VWA3A: variants seen among roughly 807,000 people sequenced by gnomAD.
VWA3A encodes the protein von Willebrand factor A domain-containing protein 3A.
Under a neutral mutation model 160.4 loss-of-function variants are expected in VWA3A, and 134 were observed. That is an observed-to-expected ratio of 0.84 (90% CI 0.73 to 0.96). The LOEUF is 0.96. VWA3A is among the 40% of genes least tolerant of loss of function. VWA3A has a pLI of 0.00. For synonymous variants in VWA3A, 476 were observed against 543.4 expected (o/e 0.88, Z 1.72); for missense variants, 1,310 against 1,447.9 (o/e 0.90, Z 1.55).
intron 2 of VWA3A, 85 bp from the exon 3 acceptor site, chr16:22,097,487 G>A (rs943056686): frequency 4.6e-6 from 7 of 1,506,668 alleles, no homozygotes; most frequent in Admixed American, 4.2e-5. Flanking sequence ...TCCTTGTAGG[G>A]ACTAGGGCAA....
chr16:22,122,281 G>GTGGATGGA (rs753561947), intron 14 of VWA3A, among the ~76,000 whole-genome samples: 16 of 146,762 alleles, frequency 1.1e-4, no homozygotes, highest in African/African-American at 3.8e-4. Context: ...GGATGGATGG[G>GTGGATGGA]TGGATGGATG....
rs142973764 is a variant in VWA3A, at chr16:22,138,670, A to T, written c.2292+158A>T. ...CCTCTTGCCCAGGCCTCCAGGGGGA[A>T]AATCTCCCGCGGGGGGCCGGCTCCT... On this transcript the variant is annotated intron_variant, in intron 22 of 33. Coordinates refer to ENST00000389398, the MANE Select transcript of VWA3A (RefSeq NM_173615.5). The T allele has an allele frequency of 1.1e-3, 1,025 of 973,708 alleles. 7 individuals are homozygous for T. In the African/African-American group the frequency reaches 0.015, roughly 15 times the overall value. 60.3% of individuals were successfully genotyped at this position (973,708 alleles called of 1,614,324 possible).
In VWA3A at chr16:22,110,894, A is replaced by G; in HGVS notation, c.589A>G (p.Ile197Val). 5.6e-6 allele frequency: 9 copies of G among 1,605,916 alleles called. No individual in the cohort carries two copies. The highest frequency in any genetic ancestry group is 6.8e-6 in the Non-Finnish European group (8 of 1,176,422). The change falls in exon 8 of 34, where the codon ATC (isoleucine) becomes GTC (valine). Residue 197 changes from isoleucine (I) to valine (V), a missense_variant. Transcript: ENST00000389398. ...ATGTCCTTTTGTCCAACAGAGCCTC[A>G]TCGATGAGCAGCTGAGCCACAAGGA... Reference protein sequence around the residue: ...EEFQKDLMSLIDEQLSHKEKL... With the variant: ...EEFQKDLMSLVDEQLSHKEKL...
chr16:22,155,563 C>T lies in VWA3A; in HGVS notation c.3406-4C>T. On this transcript the variant is annotated splice_region_variant and splice_polypyrimidine_tract_variant and intron_variant, in intron 31 of 33. Coordinates refer to ENST00000389398, the MANE Select transcript of VWA3A (RefSeq NM_173615.5). ...AAACTTCACACTCATTTCCTCTTTT[C>T]AAGGATCCCACATTGCCACCATTTG... is the stretch of plus-strand genomic sequence containing the variant. The T allele has an allele frequency of 6.2e-7, 1 of 1,613,716 alleles. No individual in the cohort carries two copies. The highest frequency in any genetic ancestry group is 1.1e-5 in the South Asian group (1 of 91,074).
At chr16:22,146,746 G>A (rs2046258354) in intron 27 of VWA3A, among the ~76,000 whole-genome samples, 1 of 151,598 alleles carries the variant, frequency 6.6e-6, no homozygotes, top group Non-Finnish European at 1.5e-5. Flanking sequence ...TCCATCCTGG[G>A]CAACAAGAGT....
chr16:22,103,653 T>G, intron 6 of VWA3A, 124 bp downstream of exon 6: 1 of 1,126,058 alleles, frequency 8.9e-7, no homozygotes, highest in Non-Finnish European at 1.3e-6. Flanking sequence ...AGGCATTTAC[T>G]AACCTAAGTA....
chr16:22,104,355 C>T (rs1334850381), intron 6 of VWA3A, among the ~76,000 whole-genome samples: 3 of 152,000 alleles, frequency 2.0e-5, no homozygotes, highest in East Asian at 1.9e-4. Flanking sequence ...TGGGCGTGGT[C>T]GTGCAAGCCT....
chr16:22,092,621 C>T lies in VWA3A; in HGVS notation c.-17C>T, dbSNP rs780829637. 1.3e-5 allele frequency: 20 copies of T among 1,550,420 alleles called. No homozygotes were observed. The South Asian group carries it at 2.4e-4, about 18-fold the overall frequency. On this transcript the variant is annotated 5_prime_UTR_variant, in exon 1 of 34. Transcript: ENST00000389398. The stretch of plus-strand genomic sequence containing the variant: ...CCTGGAGTGCCAGGAGCCCTTCTCC[C>T]AAAGATGGAGAAATAAATGAAGAAA...
chr16:22,123,643 G>A lies in VWA3A; in HGVS notation c.1468G>A (p.Glu490Lys), dbSNP rs201705044. 654 of 1,613,990 alleles carry A rather than the reference G, an allele frequency of 4.1e-4. No individual in the cohort carries two copies. The highest frequency in any genetic ancestry group is 5.3e-4 in the Non-Finnish European group (623 of 1,179,894). ...GCTCAGCAGAGCTATGCGGATGTAT[G>A]AGAGGCGGATTGAGTGGCTCTCCCT... ...QQLSRAMRMY[E>K]RRIEWLSLAS... The change falls in exon 16 of 34, where the codon GAG becomes AAG. Residue 490 changes from glutamate to lysine, a missense_variant. By Grantham distance (56) the Glu-to-Lys change is moderately conservative. Transcript: ENST00000389398.
At chr16:22,141,813 C>A in intron 24 of VWA3A, 121 bp downstream of exon 24, 4 of 754,270 alleles carry the variant, frequency 5.3e-6, no homozygotes, top group Non-Finnish European at 8.5e-6. Context: ...ACTGGTGCCT[C>A]TGGAGCAAGC....
intron 29 of VWA3A, among the ~76,000 whole-genome samples, chr16:22,150,369 C>A (rs556348472): frequency 1.1e-4 from 17 of 152,144 alleles, no homozygotes; most frequent in African/African-American, 3.9e-4. Context: ...CCATTGCACT[C>A]CAGCCTGGGC....
At chr16:22,124,038 G>T (rs1567208499) in intron 16 of VWA3A, among the ~76,000 whole-genome samples, 1 of 151,900 alleles carries the variant, frequency 6.6e-6, no homozygotes, top group Non-Finnish European at 1.5e-5. Flanking sequence ...AGCTGGGCAT[G>T]GTGGTGTACA....
At chr16:22,123,590 C>G (rs1414399300) in intron 15 of VWA3A, 23 bp from the exon 16 acceptor site, 1 of 1,613,694 alleles carries the variant, frequency 6.2e-7, no homozygotes, top group Non-Finnish European at 8.5e-7. Context: ...AGCAGCCGCT[C>G]ACTGTGGCCC....
intron 12 of VWA3A, among the ~76,000 whole-genome samples, chr16:22,119,709 A>C (rs1240656119): frequency 6.6e-6 from 1 of 152,136 alleles, no homozygotes; most frequent in Non-Finnish European, 1.5e-5. Flanking sequence ...AATAATAACA[A>C]TTAGTATTAG....
At chr16:22,130,188 G>A (rs1354660961) in intron 17 of VWA3A, among the ~76,000 whole-genome samples, 5 of 152,142 alleles carry the variant, frequency 3.3e-5, no homozygotes, top group South Asian at 2.1e-4. Context: ...CTCTACCAGG[G>A]AATGCCCCCA....
chr16:22,100,611 G>A, intron 5 of VWA3A, 118 bp downstream of exon 5: 2 of 931,568 alleles, frequency 2.1e-6, no homozygotes, highest in Non-Finnish European at 1.7e-6. Flanking sequence ...GAGGCAGGTG[G>A]ATCACTTGAG....
At position 22,134,366 on chromosome 16, in the gene VWA3A, A is replaced by G; in HGVS notation, c.2069-2A>G. 4 of 1,595,088 alleles carry G rather than the reference A, an allele frequency of 2.5e-6. No individual in the cohort carries two copies. Among genetic ancestry groups the G allele is most frequent in the Non-Finnish European group, 3.4e-6 (4 of 1,170,294 alleles). Reference sequence around the variant, plus strand: ...CTTGCTCACGATGTGCTTTGTTTCCAGGCATTTATGAGAGCGATGACATCA... The same window carrying G: ...CTTGCTCACGATGTGCTTTGTTTCCGGGCATTTATGAGAGCGATGACATCA... On this transcript the variant is annotated splice_acceptor_variant, in intron 20 of 33. Coordinates refer to ENST00000389398, the MANE Select transcript of VWA3A (RefSeq NM_173615.5). LOFTEE classifies it high-confidence loss of function.
chr16:22,137,091 ATAAATAAATAAG>A (rs1189518614), intron 21 of VWA3A, among the ~76,000 whole-genome samples: 9 of 151,738 alleles, frequency 5.9e-5, no homozygotes, highest in African/African-American at 2.2e-4. Context: ...AAATAAATAA[ATAAATAAATAAG>A]TAAGTAAATA....
chr16:22,107,781 T>C (rs779247098), intron 6 of VWA3A, among the ~76,000 whole-genome samples: 8 of 152,222 alleles, frequency 5.3e-5, no homozygotes, highest in Middle Eastern at 3.4e-3. Flanking sequence ...AGACTCTGCA[T>C]TTCTAACAAG....
Sources: gnomAD v4.1 joint callset for allele counts (sites outside exome capture counted in the v4.1 genomes callset) on GRCh38, gnomAD v4.1.1 for gene constraint, MANE v1.5 for transcripts, NCBI Gene and HGNC (gene_info 2026-07-23, HGNC 2026-07-21) for gene names.